Variants in RARB observed in about 807,000 individuals in gnomAD.
The protein encoded by RARB is HBV-activated protein.
A neutral mutation model predicts 51.9 loss-of-function variants in RARB; 17 were observed. The observed-to-expected ratio is 0.33, with a 90% CI of 0.22 to 0.49. The LOEUF (loss-of-function observed/expected upper bound fraction) is 0.49. Among genes scored for constraint, RARB ranks in the 20% least tolerant of loss-of-function variants. RARB has a pLI of 0.99. For missense variants in RARB, 369 were observed against 550.8 expected (o/e 0.67, Z 3.30); for synonymous variants, 215 against 195.4 (o/e 1.10, Z -0.84).
chr3:25,259,089 C>T, intron 5 of RARB: 1 of 984,524 alleles, frequency 1.0e-6, no homozygotes, highest in Non-Finnish European at 1.2e-6. Context: ...GTACAGCAAC[C>T]AAAGAACTGT....
In RARB at chr3:25,593,586, G is replaced by A. The variant is rs1429005141; in HGVS notation, c.870G>A (p.Met290Ile). Residue 290 changes from methionine (M) to isoleucine (I), a missense_variant, in exon 6 of 8, where the codon ATG becomes ATA. This residue lies in a region of RARB where 76 missense variants were observed against 153.3 expected (regional missense o/e 0.50). Transcript: ENST00000330688. ...SDGLTLNRTQ[M>I]HNAGFGPLTD... ...GCCTTACCCTAAATCGAACTCAGATGCACAATGCTGGATTTGGTCCTCTGA... is the reference window on the plus strand; with the variant it reads ...GCCTTACCCTAAATCGAACTCAGATACACAATGCTGGATTTGGTCCTCTGA... The A allele has an allele frequency of 6.2e-7, 1 of 1,613,996 alleles. No individual in the cohort carries two copies. The highest frequency in any genetic ancestry group is 1.1e-5 in the South Asian group (1 of 91,078).
intron 5 of RARB, among the ~76,000 whole-genome samples, chr3:25,210,176 A>G (rs1376702252): frequency 6.6e-6 from 1 of 152,192 alleles, no homozygotes; most frequent in Admixed American, 6.5e-5. Context: ...AAGATTTGTG[A>G]AGTAACAAAG....
At chr3:25,071,159 C>T (rs1474883192) in intron 3 of RARB, among the ~76,000 whole-genome samples, 1 of 152,336 alleles carries the variant, frequency 6.6e-6, no homozygotes, top group East Asian at 1.9e-4. Flanking sequence ...TTCACTGCTA[C>T]TTCTGCAGTG....
intron 5 of RARB, among the ~76,000 whole-genome samples, chr3:25,368,501 T>C (rs1706200842): frequency 6.6e-6 from 1 of 152,232 alleles, no homozygotes; most frequent in Non-Finnish European, 1.5e-5. Flanking sequence ...ATATTATTTG[T>C]GCACACACAT....
intron 5 of RARB, among the ~76,000 whole-genome samples, chr3:25,272,852 A>T (rs763131299): frequency 3.3e-5 from 5 of 152,184 alleles, no homozygotes; most frequent in African/African-American, 2.4e-5. Context: ...CTTTGGATAC[A>T]TTCGTCCCAC....
chr3:25,136,751 A>T (rs1700036562), intron 4 of RARB, among the ~76,000 whole-genome samples: 2 of 151,974 alleles, frequency 1.3e-5, no homozygotes, highest in Non-Finnish European at 2.9e-5. Flanking sequence ...ACACCAAAGG[A>T]TGGGGGGAGA....
intron 2 of RARB, among the ~76,000 whole-genome samples, chr3:25,473,035 G>A (rs1695774510): frequency 6.6e-6 from 1 of 152,134 alleles, no homozygotes; most frequent in Non-Finnish European, 1.5e-5. Flanking sequence ...TCAAATATGT[G>A]TCCTTAAGCA....
At chr3:24,983,033 A>G (rs1408473840) in intron 2 of RARB, among the ~76,000 whole-genome samples, 2 of 152,222 alleles carry the variant, frequency 1.3e-5, no homozygotes, top group Non-Finnish European at 2.9e-5. Flanking sequence ...TTTTCCAAGA[A>G]TGTAACCACC....
intron 3 of RARB, among the ~76,000 whole-genome samples, chr3:25,097,416 A>C (rs960427785): frequency 1.3e-5 from 2 of 152,210 alleles, no homozygotes; most frequent in African/African-American, 4.8e-5. Flanking sequence ...GTAGTAATAT[A>C]ATTTCATCAT....
At position 25,594,708 on chromosome 3, in the gene RARB, C is replaced by A; in HGVS notation, c.1150+30C>A. ...GTCTTCGTGCTCTCAGTACTGTAGTCACACAGTGGACTTGAGGGCCTTACC... is the reference window on the plus strand; with the variant it reads ...GTCTTCGTGCTCTCAGTACTGTAGTAACACAGTGGACTTGAGGGCCTTACC... On this transcript the variant is annotated intron_variant, in intron 7 of 7. Coordinates refer to ENST00000330688, the MANE Select transcript of RARB (RefSeq NM_000965.5). 2.0e-6 allele frequency: 3 copies of A among 1,530,128 alleles called. No individual in the cohort carries two copies. In the South Asian group the frequency reaches 3.9e-5, roughly 20 times the overall value. The allele number at this position is 1,530,128 out of a possible 1,614,324, so 94.8% of individuals were successfully genotyped here. A position where few individuals can be genotyped will look rare whatever the true frequency, so the allele number is the denominator to read the frequency against.
rs530961196 is a variant in RARB, at chr3:25,269,877, A to G, written c.178+95302A>G. On this transcript the variant is annotated intron_variant, in intron 5 of 11. Coordinates refer to the RARB transcript ENST00000383772. The stretch of plus-strand genomic sequence containing the variant: ...AAATAGACATGTATCTAAAGAAGAC[A>G]TACAAATGGTCATTAAGCATACGAA... Among the ~76,000 whole-genome samples the G allele has an allele frequency of 5.3e-5, 8 of 152,320 alleles. No individual in the cohort carries two copies. In the South Asian group the frequency reaches 1.7e-3, roughly 32 times the overall value.
chr3:25,499,248 T>C (rs948799515), intron 2 of RARB, among the ~76,000 whole-genome samples: 7 of 152,180 alleles, frequency 4.6e-5, no homozygotes, highest in African/African-American at 1.7e-4. Context: ...GCAGGGAAAG[T>C]TGAACTCAGA....
chr3:24,947,420 A>G (rs1477826095), intron 2 of RARB, among the ~76,000 whole-genome samples: 2 of 152,188 alleles, frequency 1.3e-5, no homozygotes, highest in Non-Finnish European at 2.9e-5. Context: ...TAAATTTTGG[A>G]TATTATGTGT....
intron 3 of RARB, among the ~76,000 whole-genome samples, chr3:25,536,117 T>G (rs913804372): frequency 1.3e-5 from 2 of 152,158 alleles, no homozygotes; most frequent in African/African-American, 4.8e-5. Context: ...TACCTGCTAT[T>G]AATATCTCAC....
intron 2 of RARB, among the ~76,000 whole-genome samples, chr3:25,007,452 C>A (rs1247745088): frequency 6.6e-6 from 1 of 151,536 alleles, no homozygotes; most frequent in East Asian, 1.9e-4. Flanking sequence ...ATAGTGAAAC[C>A]CCATCTCTAC....
intron 2 of RARB, among the ~76,000 whole-genome samples, chr3:24,917,787 A>G (rs1454804277): frequency 6.6e-6 from 1 of 152,200 alleles, no homozygotes; most frequent in Admixed American, 6.5e-5. Context: ...TCGGCGTCCT[A>G]AAGTGCTGGG....
At chr3:25,388,859 A>C (rs957496655) in intron 5 of RARB, among the ~76,000 whole-genome samples, 1 of 152,188 alleles carries the variant, frequency 6.6e-6, no homozygotes, top group African/African-American at 2.4e-5. Context: ...ATTAAAAAAA[A>C]ATCTAGAAAC....
At chr3:25,417,564 C>T (rs1422362112) in intron 5 of RARB, among the ~76,000 whole-genome samples, 1 of 152,156 alleles carries the variant, frequency 6.6e-6, no homozygotes, top group Non-Finnish European at 1.5e-5. Flanking sequence ...CTCTTGTCTG[C>T]CACCATGTGA....
chr3:25,464,065 A>G (rs533818921), intron 2 of RARB, among the ~76,000 whole-genome samples: 2 of 152,376 alleles, frequency 1.3e-5, no homozygotes, highest in South Asian at 4.1e-4. Context: ...CTTGTTGTGC[A>G]ATATATAAAT....
Sources: gnomAD v4.1 joint callset for allele counts (sites outside exome capture counted in the v4.1 genomes callset) on GRCh38, gnomAD v4.1.1 for gene constraint, gnomAD v4.1.1 regional missense constraint, MANE v1.5 for transcripts, NCBI Gene and HGNC (gene_info 2026-07-23, HGNC 2026-07-21) for gene names.